CEP83: variants seen among roughly 807,000 people sequenced by gnomAD.
CEP83 encodes centrosomal protein 83, also known as centrosomal protein of 83 kDa.
Under a neutral mutation model 101.9 loss-of-function variants are expected in CEP83, and 70 were observed. That is an observed-to-expected ratio of 0.69 (90% CI 0.57 to 0.84). CEP83 has a LOEUF of 0.84. Among genes scored for constraint, CEP83 ranks in the 40% least tolerant of loss-of-function variants. The pLI, the probability that CEP83 is intolerant of heterozygous loss-of-function variation, is 0.00. For missense variants in CEP83, 715 were observed against 787.2 expected (o/e 0.91, Z 1.10); for synonymous variants, 264 against 267.9 (o/e 0.99, Z 0.14).
At chr12:94,284,798 T>C in the CEP83 span, among the ~76,000 whole-genome samples, 91 of 152,198 alleles carry the variant, frequency 6.0e-4, no homozygotes, top group Middle Eastern at 0.01. Context: ...ATCACACAGA[T>C]GGGGGCAGCC....
the CEP83 span, among the ~76,000 whole-genome samples, chr12:94,300,012 A>C: frequency 1.3e-5 from 2 of 152,184 alleles, no homozygotes; most frequent in African/African-American, 4.8e-5. Context: ...TGGGGGAGGT[A>C]ATGAGCTAGG....
chr12:94,392,166 C>A (rs531485577), intron 6 of CEP83, among the ~76,000 whole-genome samples: 21 of 152,216 alleles, frequency 1.4e-4, no homozygotes, highest in Non-Finnish European at 2.6e-4. Flanking sequence ...GAACTGTCCA[C>A]CCCACATCAA....
At chr12:94,343,665 AT>A (rs551392280) in intron 11 of CEP83, among the ~76,000 whole-genome samples, 20 of 144,268 alleles carry the variant, frequency 1.4e-4, no homozygotes, top group African/African-American at 4.6e-4. Context: ...AATTTTTTGT[AT>A]TTTTTTTTAG....
chr12:94,390,144 G>A (rs947647504), intron 6 of CEP83, among the ~76,000 whole-genome samples: 7 of 152,322 alleles, frequency 4.6e-5, no homozygotes, highest in East Asian at 1.9e-4. Context: ...TGAGCTCTGA[G>A]AATGGACAGA....
intron 6 of CEP83, among the ~76,000 whole-genome samples, chr12:94,396,313 G>C (rs574725115): frequency 9.9e-4 from 106 of 106,922 alleles, no homozygotes; most frequent in African/African-American, 3.4e-3. Context: ...TTTTGAGACA[G>C]AGCCTCATTC....
intron 11 of CEP83, among the ~76,000 whole-genome samples, chr12:94,360,588 C>T (rs1372390546): frequency 2.6e-5 from 4 of 151,740 alleles, no homozygotes; most frequent in African/African-American, 9.7e-5. Flanking sequence ...CTATAAAATA[C>T]TGATTAAAGA....
intron 11 of CEP83, among the ~76,000 whole-genome samples, chr12:94,354,645 T>C (rs2060359215): frequency 6.6e-6 from 1 of 152,128 alleles, no homozygotes; most frequent in Non-Finnish European, 1.5e-5. Context: ...AGAAGAACTC[T>C]GAAAGGTGTA....
rs953181160 is a variant in CEP83, at chr12:94,433,112, G to A, written c.-102+2163C>T. Among the ~76,000 whole-genome samples the A allele has an allele frequency of 2.6e-5, 4 of 152,240 alleles. No homozygotes were observed. In the South Asian group the frequency reaches 8.3e-4, roughly 32 times the overall value. ...AGAGGAGAGGAGAACACCCTGGGGA[G>A]GTAAGGTAGGGCCTAGAAGGCCACA... On this transcript the variant is annotated intron_variant, in intron 2 of 16. Transcript: ENST00000397809.
chr12:94,346,289 G>A (rs901192876), intron 11 of CEP83, among the ~76,000 whole-genome samples: 4 of 151,994 alleles, frequency 2.6e-5, no homozygotes, highest in African/African-American at 7.2e-5. Context: ...CTGACCTCAG[G>A]TGATCCACCC....
intron 14 of CEP83, among the ~76,000 whole-genome samples, chr12:94,317,907 C>T (rs1040392555): frequency 3.9e-5 from 6 of 152,098 alleles, no homozygotes; most frequent in Non-Finnish European, 1.5e-5. Context: ...GCTATTTGGA[C>T]TCTTTTTTGG....
At chr12:94,330,644 T>C (rs1416731431) in intron 14 of CEP83, among the ~76,000 whole-genome samples, 2 of 152,216 alleles carry the variant, frequency 1.3e-5, no homozygotes, top group Non-Finnish European at 1.5e-5. Context: ...ATACTTGCTC[T>C]TGTATTTCTG....
chr12:94,386,316 A>C lies in CEP83; in HGVS notation c.550-7274T>G, dbSNP rs190166596. Reference sequence around the variant, plus strand: ...CGGAAAAATAAATTTTCCCAGTCCCATGTGAACTCTAGAGACTGTCCCACC... The same window carrying C: ...CGGAAAAATAAATTTTCCCAGTCCCCTGTGAACTCTAGAGACTGTCCCACC... On this transcript the variant is annotated intron_variant, in intron 6 of 16. Transcript: ENST00000397809. Among the ~76,000 whole-genome samples the C allele has an allele frequency of 5.9e-5, 9 of 152,278 alleles. No homozygotes were observed. In the East Asian group the frequency reaches 1.7e-3, roughly 29 times the overall value.
chr12:94,425,626 G>A (rs2065136324), intron 2 of CEP83, among the ~76,000 whole-genome samples: 1 of 152,088 alleles, frequency 6.6e-6, no homozygotes, highest in Admixed American at 6.5e-5. Context: ...CCCTTTAATT[G>A]TAGCCCTTCT....
intron 7 of CEP83, among the ~76,000 whole-genome samples, chr12:94,377,852 A>G (rs995404652): frequency 6.6e-6 from 1 of 152,224 alleles, no homozygotes; most frequent in African/African-American, 2.4e-5. Context: ...TCTCACAATG[A>G]ACTGCTTCAT....
At position 94,412,477 on chromosome 12, in the gene CEP83, G is replaced by A; in HGVS notation, c.14C>T (p.Thr5Ile). Residue 5 changes from threonine (T) to isoleucine (I), a missense_variant, in exon 3 of 17, where the codon ACA becomes ATA. Thr to Ile is a moderately conservative substitution (Grantham distance 89). Coordinates refer to ENST00000397809, the MANE Select transcript of CEP83 (RefSeq NM_016122.3). The part of the protein sequence containing the change: MVVS[T>I]FTDMDTFPNN... ...GGGAAAAGTGTCCATATCGGTAAAT[G>A]TGCTGACAACCATGTAAAAATAAGT... 1 of 1,611,962 alleles carries A rather than the reference G, an allele frequency of 6.2e-7. No homozygotes were observed. The highest frequency in any genetic ancestry group is 8.5e-7 in the Non-Finnish European group (1 of 1,179,272).
At chr12:94,400,288 C>A (rs565962905) in intron 6 of CEP83, among the ~76,000 whole-genome samples, 1 of 152,066 alleles carries the variant, frequency 6.6e-6, no homozygotes, top group African/African-American at 2.4e-5. Context: ...AACCACAAAA[C>A]GAGTAGAAAG....
chr12:94,344,184 C>G (rs1213611279), intron 11 of CEP83, among the ~76,000 whole-genome samples: 2 of 152,166 alleles, frequency 1.3e-5, no homozygotes, highest in Non-Finnish European at 2.9e-5. Flanking sequence ...GCAGACTTAG[C>G]AAACTACTAC....
At chr12:94,335,733 A>T in intron 11 of CEP83, 69 bp from the exon 12 acceptor site, 2 of 1,048,674 alleles carry the variant, frequency 1.9e-6, no homozygotes, top group Non-Finnish European at 2.8e-6. Context: ...TGAATTAAAG[A>T]GTCATTTTAT....
intron 1 of CEP83, among the ~76,000 whole-genome samples, chr12:94,457,641 G>A (rs1345359380): frequency 6.6e-6 from 1 of 152,122 alleles, no homozygotes. Flanking sequence ...TAAGTCCATG[G>A]ATTTTAGCAA....
Sources: allele counts gnomAD v4.1 joint callset (sites outside exome capture counted in the v4.1 genomes callset), GRCh38; gene constraint gnomAD v4.1.1; transcripts MANE v1.5; gene names NCBI Gene and HGNC (gene_info 2026-07-23, HGNC 2026-07-21).